The following LRRN1 variants were observed in gnomAD, a reference collection of about 807,000 sequenced individuals.
LRRN1 encodes leucine rich repeat neuronal 1.
In LRRN1, 14 loss-of-function variants were observed where a neutral mutation model predicts 45.8. The observed-to-expected ratio is 0.31, with a 90% CI of 0.20 to 0.48. LRRN1 has a LOEUF of 0.48. LRRN1 is among the 20% of genes least tolerant of loss of function. LRRN1 has a pLI of 0.99. For missense variants in LRRN1, 789 were observed against 874.2 expected (o/e 0.90, Z 1.23); for synonymous variants, 359 against 330.1 (o/e 1.09, Z -0.95).
chr3:3,845,471 A>G lies in LRRN1; in HGVS notation c.830A>G (p.Lys277Arg), dbSNP rs146393338. ...GACCTCAACAAAAACCCCATTCACAAAATCCAAGAAGGGGACTTCAAAAAT... is the reference window on the plus strand; with the variant it reads ...GACCTCAACAAAAACCCCATTCACAGAATCCAAGAAGGGGACTTCAAAAAT... The part of the protein sequence containing the change: ...FLDLNKNPIH[K>R]IQEGDFKNML... Residue 277 changes from lysine to arginine, a missense_variant, in exon 2 of 2, where the codon AAA becomes AGA. Physicochemically the swap from Lys to Arg is conservative, Grantham distance 26. Coordinates refer to ENST00000319331, the MANE Select transcript of LRRN1 (RefSeq NM_020873.7). This position sits in a 1 kb window ranked among gnomAD's most constrained non-coding sequence, Gnocchi z 6.5. 1.2e-5 allele frequency: 20 copies of G among 1,614,022 alleles called. No individual in the cohort carries two copies. The highest frequency in any genetic ancestry group is 3.4e-6 in the Non-Finnish European group (4 of 1,180,026).
chr3:3,846,880 A>T lies in LRRN1; in HGVS notation c.*88A>T, dbSNP rs1414828255. The T allele has an allele frequency of 8.6e-7, 1 of 1,167,160 alleles. No individual in the cohort carries two copies. The highest frequency in any genetic ancestry group is 1.6e-5 in the African/African-American group (1 of 64,064). 72.3% of individuals were successfully genotyped at this position (1,167,160 alleles called of 1,614,324 possible). A position where few individuals can be genotyped will look rare whatever the true frequency, so the allele number is the denominator to read the frequency against. On this transcript the variant is annotated 3_prime_UTR_variant, in exon 2 of 2. Transcript: ENST00000319331. The surrounding 1 kb of genome is among the most constrained non-coding windows in gnomAD (Gnocchi z 5.7). The stretch of plus-strand genomic sequence containing the variant: ...AAGTGAACAAGTTGAAGACTTTTGT[A>T]TTTTTGACTTTGCTAGTTTGTGGCA...
chr3:3,834,609 A>T (rs6794536), intron 1 of LRRN1, among the ~76,000 whole-genome samples: 1 of 129,592 alleles, frequency 7.7e-6, no homozygotes, highest in Non-Finnish European at 1.6e-5. Flanking sequence ...TTATATATAT[A>T]ATATATGTAA....
At chr3:3,810,102 C>T (rs562945941) in intron 1 of LRRN1, among the ~76,000 whole-genome samples, 2 of 152,288 alleles carry the variant, frequency 1.3e-5, no homozygotes, top group Admixed American at 1.3e-4. Flanking sequence ...AATTGGCAAA[C>T]AGGTGAATAC....
At chr3:3,821,159 C>CT (rs1693097473) in intron 1 of LRRN1, among the ~76,000 whole-genome samples, 1 of 152,198 alleles carries the variant, frequency 6.6e-6, no homozygotes, top group Non-Finnish European at 1.5e-5. Context: ...TCATGAACAA[C>CT]TAAGTTTGGA....
At chr3:3,800,935 C>T (rs575716295) in intron 1 of LRRN1, 5 of 152,418 alleles carry the variant, frequency 3.3e-5, no homozygotes, top group South Asian at 2.1e-4. Context: ...GGGCGGCCGC[C>T]GACTCGGCGC....
At chr3:3,806,782 T>C (rs547251345) in intron 1 of LRRN1, among the ~76,000 whole-genome samples, 1 of 152,338 alleles carries the variant, frequency 6.6e-6, no homozygotes, top group South Asian at 2.1e-4. Context: ...TCTTTCTCCT[T>C]TTCCCCAGTA....
At chr3:3,802,506 G>T (rs947484941) in intron 1 of LRRN1, among the ~76,000 whole-genome samples, 1 of 152,200 alleles carries the variant, frequency 6.6e-6, no homozygotes, top group Admixed American at 6.5e-5. Context: ...GGAGGGCTCA[G>T]TGTTTCGGGG....
chr3:3,826,568 T>C (rs878999935), intron 1 of LRRN1, among the ~76,000 whole-genome samples: 1 of 152,116 alleles, frequency 6.6e-6, no homozygotes, highest in Middle Eastern at 3.2e-3. Flanking sequence ...GGAAGATCCA[T>C]TGTGTCCTTG....
At chr3:3,820,985 G>A (rs1408407680) in intron 1 of LRRN1, among the ~76,000 whole-genome samples, 2 of 152,214 alleles carry the variant, frequency 1.3e-5, no homozygotes, top group East Asian at 3.8e-4. Context: ...GTGGTGGCAG[G>A]TCAGAGCCAG....
chr3:3,826,317 C>T (rs1324603990), intron 1 of LRRN1, among the ~76,000 whole-genome samples: 1 of 152,132 alleles, frequency 6.6e-6, no homozygotes, highest in Non-Finnish European at 1.5e-5. Context: ...TGATGACTTC[C>T]TGAGGTTCCT....
At chr3:3,841,194 G>C (rs1693644893) in intron 1 of LRRN1, among the ~76,000 whole-genome samples, 1 of 151,296 alleles carries the variant, frequency 6.6e-6, no homozygotes, top group Admixed American at 6.6e-5. Context: ...ACAAGGCTAA[G>C]GCAGGAGAAT....
At chr3:3,837,387 C>A (rs1180979802) in intron 1 of LRRN1, among the ~76,000 whole-genome samples, 1 of 152,052 alleles carries the variant, frequency 6.6e-6, no homozygotes, top group Non-Finnish European at 1.5e-5. Context: ...AGGACCACAA[C>A]CAACCCCACC....
intron 1 of LRRN1, among the ~76,000 whole-genome samples, chr3:3,834,534 A>ATATATATATATATATATATAT (rs1553563084): frequency 2.8e-5 from 3 of 105,760 alleles, no homozygotes; most frequent in East Asian, 8.1e-4. Flanking sequence ...GGATATATAT[A>ATATATATATATATATATATAT]TATATATATA....
intron 1 of LRRN1, among the ~76,000 whole-genome samples, chr3:3,837,696 ACAT>A (rs1693553208): frequency 6.6e-6 from 1 of 151,292 alleles, no homozygotes; most frequent in African/African-American, 2.4e-5. Context: ...CCACCGCACC[ACAT>A]TTTTTTTTCT....
chr3:3,846,293 C>A lies in LRRN1; in HGVS notation c.1652C>A (p.Thr551Lys), dbSNP rs145686073. 1.5e-4 allele frequency: 243 copies of A among 1,613,890 alleles called. No homozygotes were observed. Among genetic ancestry groups the A allele is most frequent in the Non-Finnish European group, 1.9e-4 (221 of 1,180,012 alleles). ...TGGAAAGTTAATTCCAATGTCATGA[C>A]GTCAAACTTAAAATGGTCGTCTGCC... Reference protein sequence around the residue: ...VSWKVNSNVMTSNLKWSSATM... With the variant: ...VSWKVNSNVMKSNLKWSSATM... The change falls in exon 2 of 2, where the codon ACG (threonine) becomes AAG (lysine). Residue 551 changes from threonine to lysine, a missense_variant. By Grantham distance (78) the Thr-to-Lys change is moderately conservative (BLOSUM62 -1). Coordinates refer to ENST00000319331, the MANE Select transcript of LRRN1 (RefSeq NM_020873.7). The surrounding 1 kb of genome is among the most constrained non-coding windows in gnomAD (Gnocchi z 5.7).
chr3:3,815,950 T>C (rs1692979458), intron 1 of LRRN1, among the ~76,000 whole-genome samples: 1 of 152,132 alleles, frequency 6.6e-6, no homozygotes, highest in Non-Finnish European at 1.5e-5. Flanking sequence ...ATAAAAAATT[T>C]CTATATTGAA....
At chr3:3,805,761 C>T (rs1622180) in intron 1 of LRRN1, among the ~76,000 whole-genome samples, 86,732 of 151,952 alleles carry the variant, frequency 0.57, 26,598 homozygotes, top group Non-Finnish European at 0.69. Context: ...CACCTGGGCC[C>T]GCTTGAGGGG....
intron 1 of LRRN1, among the ~76,000 whole-genome samples, chr3:3,805,783 C>G (rs1290526838): frequency 6.6e-6 from 1 of 152,124 alleles, no homozygotes; most frequent in Non-Finnish European, 1.5e-5. Context: ...AAAATTTTAC[C>G]AGGGGTACAG....
Position 3,845,792 on chromosome 3 carries a change from C to T in LRRN1, c.1151C>T (p.Ser384Phe). Residue 384 changes from serine to phenylalanine, a missense_variant, in exon 2 of 2, where the codon TCC becomes TTC. Transcript: ENST00000319331. The surrounding 1 kb of genome is among the most constrained non-coding windows in gnomAD (Gnocchi z 6.5). ...RCDCVIHWIN[S>F]NKTNIRFMEP... is the part of the protein sequence containing the mutation. ...GACTGTGTGATCCACTGGATTAACTCCAACAAAACCAACATCCGCTTCATG... is the reference window on the plus strand; with the variant it reads ...GACTGTGTGATCCACTGGATTAACTTCAACAAAACCAACATCCGCTTCATG... 2 of 1,614,130 alleles carry T rather than the reference C, an allele frequency of 1.2e-6. No individual in the cohort carries two copies. Among genetic ancestry groups the T allele is most frequent in the Non-Finnish European group, 1.7e-6 (2 of 1,180,028 alleles).
Sources: gnomAD v4.1 joint callset for allele counts (sites outside exome capture counted in the v4.1 genomes callset) on GRCh38, gnomAD v4.1.1 for gene constraint, Gnocchi (gnomAD v3.1) non-coding constraint, MANE v1.5 for transcripts, NCBI Gene and HGNC (gene_info 2026-07-23, HGNC 2026-07-21) for gene names.